Variants in TRABD2A observed in about 807,000 individuals in gnomAD.
The protein encoded by TRABD2A is metalloprotease TIKI1.
A neutral mutation model predicts 45.6 loss-of-function variants in TRABD2A; 43 were observed. That is an observed-to-expected ratio of 0.94 (90% CI 0.74 to 1.22). TRABD2A has a LOEUF of 1.22. Ranked by LOEUF, TRABD2A falls within the 50% of genes most tolerant of loss-of-function variation. The probability of loss-of-function intolerance (pLI) is 0.00; values close to 1 mark genes in which losing one functional copy is unlikely to be tolerated. For synonymous variants in TRABD2A, 269 were observed against 265.0 expected, an observed-to-expected ratio of 1.02 and a Z score of -0.15; for missense variants, 642 against 652.4, an observed-to-expected ratio of 0.98 and a Z score of 0.17.
At chr2:84,873,870 GTC>G (rs1367352921) in intron 1 of TRABD2A, among the ~76,000 whole-genome samples, 3 of 152,330 alleles carry the variant, frequency 2.0e-5, no homozygotes, top group African/African-American at 7.2e-5. Flanking sequence ...TGTCCAGGCA[GTC>G]TACCCAAGAA....
At chr2:84,847,200 T>G (rs1681926478) in intron 2 of TRABD2A, among the ~76,000 whole-genome samples, 1 of 152,132 alleles carries the variant, frequency 6.6e-6, no homozygotes, top group Admixed American at 6.5e-5. Context: ...AACCCTAAAC[T>G]CACTCCCATT....
intron 2 of TRABD2A, among the ~76,000 whole-genome samples, chr2:84,844,618 T>C (rs751824902): frequency 6.6e-6 from 1 of 152,204 alleles, no homozygotes; most frequent in Non-Finnish European, 1.5e-5. Context: ...TATAAGCCCC[T>C]GCATTCTAAA....
intron 5 of TRABD2A, among the ~76,000 whole-genome samples, chr2:84,828,925 A>G (rs546810104): frequency 3.3e-5 from 5 of 152,172 alleles, no homozygotes; most frequent in Non-Finnish European, 5.9e-5. Flanking sequence ...GATAGAGAGA[A>G]CTGGGGGTAG....
At chr2:84,861,397 G>A (rs140431623) in intron 2 of TRABD2A, among the ~76,000 whole-genome samples, 16 of 152,166 alleles carry the variant, frequency 1.1e-4, no homozygotes, top group African/African-American at 3.9e-4. Context: ...CAGATCATCA[G>A]GCATCAGATT....
At chr2:84,832,233 A>ACCCTGCCAAGCC in intron 4 of TRABD2A, 88 bp from the exon 5 acceptor site, 1 of 1,354,878 alleles carries the variant, frequency 7.4e-7, no homozygotes, top group Non-Finnish European at 1.0e-6. Flanking sequence ...CCAAGAAATT[A>ACCCTGCCAAGCC]CCCTGCCAAG....
intron 5 of TRABD2A, among the ~76,000 whole-genome samples, 182 bp from the exon 6 acceptor site, chr2:84,824,386 C>A (rs1163638311): frequency 6.6e-6 from 1 of 151,390 alleles, no homozygotes; most frequent in African/African-American, 2.4e-5. Flanking sequence ...TCTTTGACGC[C>A]TTTTTTTTCC....
intron 5 of TRABD2A, among the ~76,000 whole-genome samples, chr2:84,825,131 G>A (rs965574593): frequency 6.6e-6 from 1 of 152,160 alleles, no homozygotes; most frequent in Non-Finnish European, 1.5e-5. Context: ...TGAGAGTCCT[G>A]AAACTCACAT....
chr2:84,844,554 C>T (rs574653434), intron 2 of TRABD2A, among the ~76,000 whole-genome samples: 56 of 152,304 alleles, frequency 3.7e-4, no homozygotes, highest in Non-Finnish European at 7.1e-4. Flanking sequence ...AGCAGATACA[C>T]CCGGGTGCTT....
At chr2:84,861,651 C>A (rs951206804) in intron 2 of TRABD2A, among the ~76,000 whole-genome samples, 3 of 152,174 alleles carry the variant, frequency 2.0e-5, no homozygotes, top group South Asian at 4.2e-4. Context: ...TGGGTTGTGT[C>A]AACAACCATC....
At chr2:84,878,179 C>A (rs534700427) in intron 1 of TRABD2A, among the ~76,000 whole-genome samples, 33 of 152,096 alleles carry the variant, frequency 2.2e-4, no homozygotes, top group Non-Finnish European at 3.7e-4. Flanking sequence ...GGTAAGGGAG[C>A]AAGCCTGTGG....
intron 1 of TRABD2A, among the ~76,000 whole-genome samples, chr2:84,875,867 C>G (rs1439897161): frequency 2.0e-5 from 3 of 152,048 alleles, no homozygotes; most frequent in Non-Finnish European, 4.4e-5. Context: ...GTGGCAGGCA[C>G]CTCCAGTCCC....
chr2:84,880,807 T>C (rs930242199), intron 1 of TRABD2A, 125 bp downstream of exon 1: 2 of 1,403,836 alleles, frequency 1.4e-6, no homozygotes, highest in Admixed American at 2.1e-5. Flanking sequence ...GCCGCGGTGC[T>C]AGGTGAAAGC....
At position 84,841,937 on chromosome 2, in the gene TRABD2A, T is replaced by C; in HGVS notation, c.740A>G (p.Tyr247Cys). 6.5e-7 allele frequency: 1 copy of C among 1,548,662 alleles called. No individual in the cohort carries two copies. Among genetic ancestry groups the C allele is most frequent in the South Asian group, 1.2e-5 (1 of 83,744 alleles). ...GTGTTTGATGAGATCCTCCGTCGTG[T>C]AGGGGATCTGAAGACTGCCTGCTCG... ...SLRAGSLQIP[Y>C]TTEDLIKHYN... The change falls in exon 3 of 7, where the codon TAC (tyrosine) becomes TGC (cysteine). Residue 247 changes from tyrosine (Y) to cysteine (C), a missense_variant. By Grantham distance (194) the Tyr-to-Cys change is radical. Coordinates refer to ENST00000409520, the MANE Select transcript of TRABD2A (RefSeq NM_001277053.2).
At chr2:84,874,319 C>T (rs929745688) in intron 1 of TRABD2A, among the ~76,000 whole-genome samples, 8 of 152,166 alleles carry the variant, frequency 5.3e-5, no homozygotes, top group East Asian at 1.9e-4. Flanking sequence ...ATGGCAGTAC[C>T]GATGCTAACA....
At chr2:84,836,986 G>GTTTTTTTT (rs57910749) in intron 4 of TRABD2A, 15 of 85,994 alleles carry the variant, frequency 1.7e-4, no homozygotes, top group African/African-American at 2.4e-4. Flanking sequence ...TAATTTTAGG[G>GTTTTTTTT]TTTTTTTTTT....
At chr2:84,867,826 A>AT (rs1682731700) in intron 2 of TRABD2A, among the ~76,000 whole-genome samples, 1 of 152,368 alleles carries the variant, frequency 6.6e-6, no homozygotes, top group South Asian at 2.1e-4. Flanking sequence ...CAACAGACAC[A>AT]TGAACAAATG....
chr2:84,880,734 G>A lies in TRABD2A; in HGVS notation c.108+198C>T, dbSNP rs1030346501. Among the ~76,000 whole-genome samples the A allele has an allele frequency of 1.1e-4, 16 of 152,256 alleles. 1 individual carries two copies. Among genetic ancestry groups the A allele is most frequent in the African/African-American group, 3.9e-4 (16 of 41,474 alleles). On this transcript the variant is annotated intron_variant, in intron 1 of 6. Coordinates refer to ENST00000409520, the MANE Select transcript of TRABD2A (RefSeq NM_001277053.2). ...CAGGGCACTGAGTCGCTTGGAGCCT[G>A]CGGGCTGCGCCCCCGCGGGAAAGGG...
intron 5 of TRABD2A, among the ~76,000 whole-genome samples, chr2:84,826,942 A>C (rs1681168618): frequency 6.6e-6 from 1 of 152,228 alleles, no homozygotes; most frequent in South Asian, 2.1e-4. Context: ...TGTCACTGTA[A>C]TCTCCAGGGA....
chr2:84,845,635 G>C (rs1027489519), intron 2 of TRABD2A, among the ~76,000 whole-genome samples: 3 of 152,152 alleles, frequency 2.0e-5, no homozygotes, highest in Admixed American at 6.5e-5. Context: ...TGGAAACTGA[G>C]TGGTTGATAG....
Sources: gnomAD v4.1 joint callset for allele counts (sites outside exome capture counted in the v4.1 genomes callset) on GRCh38, gnomAD v4.1.1 for gene constraint, MANE v1.5 for transcripts, NCBI Gene and HGNC (gene_info 2026-07-23, HGNC 2026-07-21) for gene names.